Variants in LLGL2 observed in about 807,000 individuals in gnomAD.
LLGL2 encodes LLGL2, scribble cell polarity complex component.
LLGL2 carries 81 observed loss-of-function variants against 123.2 expected under a neutral mutation model. The ratio of observed to expected loss-of-function variants is 0.66; its 90% confidence interval spans 0.55 to 0.79. LLGL2 has a LOEUF of 0.79. Among genes scored for constraint, LLGL2 ranks in the 30% least tolerant of loss-of-function variants. The probability of loss-of-function intolerance (pLI) is 0.00; values close to 1 mark genes in which losing one functional copy is unlikely to be tolerated. For missense variants in LLGL2, 1,273 were observed against 1,414.6 expected (o/e 0.90, Z 1.61); for synonymous variants, 577 against 594.1 (o/e 0.97, Z 0.42).
At position 75,564,649 on chromosome 17, in the gene LLGL2, A is replaced by T; in HGVS notation, c.1036+142A>T. 7.2e-7 allele frequency: 1 copy of T among 1,389,842 alleles called. No homozygotes were observed. 86.1% of individuals were successfully genotyped at this position (1,389,842 alleles called of 1,614,324 possible). ...AGGCCAAGGTGGTAGGATCGCTTGA[A>T]CCCAGGAGTTCAAGTCCAGCCTGGA... is the stretch of plus-strand genomic sequence containing the variant. On this transcript the variant is annotated intron_variant, in intron 10 of 25. Coordinates refer to ENST00000392550, the MANE Select transcript of LLGL2 (RefSeq NM_001031803.2). This position sits in a 1 kb window ranked among gnomAD's most constrained non-coding sequence, Gnocchi z 4.9.
chr17:75,560,787 AGTTT>A (rs2055168702), intron 6 of LLGL2, among the ~76,000 whole-genome samples: 1 of 119,972 alleles, frequency 8.3e-6, no homozygotes, highest in Non-Finnish European at 1.7e-5. Flanking sequence ...CGCCTGGCCC[AGTTT>A]GTTTATTTAT....
intron 2 of LLGL2, among the ~76,000 whole-genome samples, chr17:75,554,366 C>T (rs1368836215): frequency 6.6e-6 from 1 of 151,604 alleles, no homozygotes; most frequent in Non-Finnish European, 1.5e-5. Context: ...AATCCCAGCG[C>T]TTTGGGAGGC....
At chr17:75,538,940 T>C (rs1052813732) in intron 1 of LLGL2, among the ~76,000 whole-genome samples, 7 of 152,180 alleles carry the variant, frequency 4.6e-5, no homozygotes, top group African/African-American at 1.7e-4. Context: ...TGGCCCAGGC[T>C]GGAGTGCAGT....
chr17:75,569,921 C>T, intron 14 of LLGL2, 42 bp from the exon 15 acceptor site: 1 of 1,542,934 alleles, frequency 6.5e-7, no homozygotes, highest in Non-Finnish European at 8.7e-7. Flanking sequence ...CCCTGCCGTC[C>T]CTTTGCTGAG....
chr17:75,558,565 G>T lies in LLGL2; in HGVS notation c.309G>T (p.Lys103Asn), dbSNP rs1052547025. 9 of 1,611,690 alleles carry T rather than the reference G, an allele frequency of 5.6e-6. No homozygotes were observed. The highest frequency in any genetic ancestry group is 6.8e-6 in the Non-Finnish European group (8 of 1,179,140). The change falls in exon 5 of 26, where the codon AAG (lysine) becomes AAT (asparagine). Residue 103 changes from lysine to asparagine, a missense_variant. By Grantham distance (94) the Lys-to-Asn change is moderately conservative (BLOSUM62 0). Coordinates refer to ENST00000392550, the MANE Select transcript of LLGL2 (RefSeq NM_001031803.2). The surrounding 1 kb of genome is among the most constrained non-coding windows in gnomAD (Gnocchi z 4.0). The stretch of plus-strand genomic sequence containing the variant: ...ACAGCCTGCACCTTTGGAGCCTGAA[G>T]GTCAAGGGCGGGGCATCGGAGCTGC... ...DDNSLHLWSL[K>N]VKGGASELQE...
chr17:75,573,443 C>CGCCAG (rs1568080708), intron 20 of LLGL2, 38 bp from the exon 21 acceptor site: 2 of 1,590,270 alleles, frequency 1.3e-6, no homozygotes, highest in East Asian at 4.5e-5. Flanking sequence ...CCTTGGCAGC[C>CGCCAG]GCCAGGCCAG....
intron 1 of LLGL2, among the ~76,000 whole-genome samples, chr17:75,535,468 G>A (rs62088474): frequency 0.15 from 22,851 of 152,232 alleles, 2,124 homozygotes; most frequent in African/African-American, 0.25. Context: ...AGATCAATGA[G>A]ATCAATGGAA....
rs559778657 is a variant in LLGL2 at position 75,529,732 on chromosome 17, G to A, written c.-31+3907G>A. Among the ~76,000 whole-genome samples, 9 of 151,682 alleles carry A rather than the reference G, an allele frequency of 5.9e-5. No homozygotes were observed. The East Asian group carries it at 7.9e-4, about 13-fold the overall frequency. ...AAAAATTAGCTGGGCGTGGTGGTGCGTGCCTGTAATCCCAGCTACTCAGGA... is the reference window on the plus strand; with the variant it reads ...AAAAATTAGCTGGGCGTGGTGGTGCATGCCTGTAATCCCAGCTACTCAGGA... On this transcript the variant is annotated intron_variant, in intron 1 of 25. Transcript: ENST00000392550.
At chr17:75,534,567 A>G (rs2053931400) in intron 1 of LLGL2, among the ~76,000 whole-genome samples, 1 of 152,072 alleles carries the variant, frequency 6.6e-6, no homozygotes, top group African/African-American at 2.4e-5. Flanking sequence ...TGCAGCCTCA[A>G]CCTCCTGGGC....
At chr17:75,554,347 C>G (rs2054809550) in intron 2 of LLGL2, among the ~76,000 whole-genome samples, 1 of 151,084 alleles carries the variant, frequency 6.6e-6, no homozygotes, top group African/African-American at 2.4e-5. Flanking sequence ...TGCAGTGACT[C>G]ACGCCTGTAA....
In LLGL2 at chr17:75,559,434, T is replaced by A; in HGVS notation, c.530+24T>A. On this transcript the variant is annotated intron_variant, in intron 6 of 25. Transcript: ENST00000392550. The surrounding 1 kb of genome is among the most constrained non-coding windows in gnomAD (Gnocchi z 4.6). ...CGGTGAGCCCAGAGCCCAGCTGCTG[T>A]TAACTCCATCCCCTCAAGTTAGGCA... is the stretch of plus-strand genomic sequence containing the variant. 6.3e-7 allele frequency: 1 copy of A among 1,579,456 alleles called. No individual in the cohort carries two copies.
In LLGL2 at chr17:75,574,639, C is replaced by T. The variant is rs1238246351; in HGVS notation, c.3026C>T (p.Ala1009Val). Residue 1009 changes from alanine to valine, a missense_variant, in exon 25 of 26, where the codon GCC becomes GTC. Physicochemically the swap from Ala to Val is moderately conservative, Grantham distance 64. Transcript: ENST00000392550. ...GGCAACTGGCGTTCACATCGAGCCG[C>T]CGTGGGGTGCAGCCTCAGCAATGGC... ...GSGNWRSHRAAVGCSLSNGGA... is the reference protein window; with the variant it reads ...GSGNWRSHRAVVGCSLSNGGA... 6.2e-7 allele frequency: 1 copy of T among 1,612,300 alleles called. No individual in the cohort carries two copies. Among genetic ancestry groups the T allele is most frequent in the South Asian group, 1.1e-5 (1 of 91,006 alleles).
intron 1 of LLGL2, among the ~76,000 whole-genome samples, chr17:75,534,473 G>C (rs945814099): frequency 6.6e-6 from 1 of 152,166 alleles, no homozygotes; most frequent in African/African-American, 2.4e-5. Flanking sequence ...GCAAATTGGG[G>C]CTTGGATTTT....
chr17:75,543,480 GGACCTGTTCCAGT>G lies in LLGL2; in HGVS notation c.55_67del (p.Asp19LeufsTer54). 4 of 1,611,918 alleles carry G rather than the reference GGACCTGTTCCAGT, an allele frequency of 2.5e-6. No homozygotes were observed. The highest frequency in any genetic ancestry group is 3.4e-6 in the Non-Finnish European group (4 of 1,178,774). On this transcript the variant is annotated frameshift_variant, in exon 2 of 26. Transcript: ENST00000392550. LOFTEE classifies it high-confidence loss of function. ...ACCCTGTGCGGGAGAGGCTCAAGCG[GGACCTGTTCCAGT>G]TTAACAAGGTAAGTTAGGGAGAGCA...
At position 75,568,750 on chromosome 17, in the gene LLGL2, ACTT is replaced by A. The variant is rs779595790; in HGVS notation, c.1255-18_1255-16del. ...CACCGCAAGCCAAACTCTCCCATGG[ACTT>A]CTTGGTCTCTTTTTCTAGGAGTGGC... On this transcript the variant is annotated intron_variant, in intron 11 of 25. Transcript: ENST00000392550. 1.2e-6 allele frequency: 2 copies of A among 1,611,482 alleles called. No homozygotes were observed. The highest frequency in any genetic ancestry group is 1.7e-6 in the Non-Finnish European group (2 of 1,178,376).
At position 75,570,003 on chromosome 17, in the gene LLGL2, C is replaced by A; in HGVS notation, c.1622C>A (p.Ala541Asp). The A allele has an allele frequency of 6.2e-7, 1 of 1,609,978 alleles. No homozygotes were observed. The highest frequency in any genetic ancestry group is 8.5e-7 in the Non-Finnish European group (1 of 1,178,000). ...LELNDEAAEQ[A>D]VEQVEADLLQ... ...CTGAATGACGAGGCAGCGGAGCAGG[C>A]TGTGGAGCAGGTGGAGGCCGACCTG... is the stretch of plus-strand genomic sequence containing the variant. The change falls in exon 15 of 26, where the codon GCT becomes GAT. Residue 541 changes from alanine to aspartate, a missense_variant. Physicochemically the swap from Ala to Asp is moderately radical, Grantham distance 126. Coordinates refer to ENST00000392550, the MANE Select transcript of LLGL2 (RefSeq NM_001031803.2).
Position 75,559,230 on chromosome 17 carries a change from C to G in LLGL2, c.372-22C>G. On this transcript the variant is annotated intron_variant, in intron 5 of 25. Transcript: ENST00000392550. The surrounding 1 kb of genome is among the most constrained non-coding windows in gnomAD (Gnocchi z 4.6). ...CCCCTGCTGGGCAGTGGTCGGCTCA[C>G]GGGCAGCTGTTCTTGTCACAGGGCT... is the stretch of plus-strand genomic sequence containing the variant. The G allele has an allele frequency of 1.3e-6, 2 of 1,571,868 alleles. No individual in the cohort carries two copies. Among genetic ancestry groups the G allele is most frequent in the South Asian group, 2.3e-5 (2 of 85,862 alleles).
Position 75,574,972 on chromosome 17 carries a change from CCCCGCCA to C in LLGL2, c.*95_*101del. ...CAACCGGAGAGGCCGGTGCACAGGG[CCCCGCCA>C]GGGGCTGGGGGCATCCCGGCTTCCA... On this transcript the variant is annotated 3_prime_UTR_variant, in exon 26 of 26. Coordinates refer to ENST00000392550, the MANE Select transcript of LLGL2 (RefSeq NM_001031803.2). 6.4e-7 allele frequency: 1 copy of C among 1,574,094 alleles called. No homozygotes were observed. The highest frequency in any genetic ancestry group is 8.7e-7 in the Non-Finnish European group (1 of 1,144,684).
At chr17:75,560,248 G>T (rs1036077799) in intron 6 of LLGL2, among the ~76,000 whole-genome samples, 2 of 152,320 alleles carry the variant, frequency 1.3e-5, no homozygotes, top group East Asian at 1.9e-4. Flanking sequence ...TGCCTTTCCC[G>T]TTCAGCAGGG....
Sources: allele counts gnomAD v4.1 joint callset (sites outside exome capture counted in the v4.1 genomes callset), GRCh38; gene constraint gnomAD v4.1.1; non-coding constraint Gnocchi (gnomAD v3.1); transcripts MANE v1.5; gene names NCBI Gene and HGNC (gene_info 2026-07-23, HGNC 2026-07-21).